GARNL3: variants seen among roughly 807,000 people sequenced by gnomAD.
GARNL3 encodes GTPase activating Rap/RanGAP domain like 3.
In GARNL3, 63 loss-of-function variants were observed where a neutral mutation model predicts 125.0. The observed-to-expected ratio is 0.50, with a 90% CI of 0.41 to 0.62. The LOEUF is 0.62. GARNL3 is among the 20% of genes least tolerant of loss of function. GARNL3 has a pLI of 0.00. For synonymous variants in GARNL3, 439 were observed against 457.5 expected (o/e 0.96, Z 0.52); for missense variants, 994 against 1,244.0 (o/e 0.80, Z 3.02).
At chr9:127,252,308 G>GT (rs1259587737) in intron 2 of GARNL3, among the ~76,000 whole-genome samples, 2 of 152,178 alleles carry the variant, frequency 1.3e-5, no homozygotes, top group African/African-American at 4.8e-5. Flanking sequence ...CAACAAAATT[G>GT]TAGACTACAG....
chr9:127,260,997 C>T (rs570243334), upstream of GARNL3, among the ~76,000 whole-genome samples: 7 of 152,212 alleles, frequency 4.6e-5, no homozygotes, highest in East Asian at 5.8e-4. Context: ...GGCTCACGCC[C>T]GTAATTCCAG....
At chr9:127,247,302 A>G (rs1049495370) in intron 2 of GARNL3, among the ~76,000 whole-genome samples, 1 of 152,208 alleles carries the variant, frequency 6.6e-6, no homozygotes, top group Non-Finnish European at 1.5e-5. Flanking sequence ...TGTAAGTGAC[A>G]GAAACCCAAC....
chr9:127,308,035 G>A (rs2065004039), intron 2 of GARNL3, among the ~76,000 whole-genome samples: 2 of 152,184 alleles, frequency 1.3e-5, no homozygotes, highest in African/African-American at 2.4e-5. Context: ...TGGAGACCAG[G>A]AGTACTGCCA....
chr9:127,272,138 T>C (rs1365038002), intron 1 of GARNL3, among the ~76,000 whole-genome samples: 1 of 150,022 alleles, frequency 6.7e-6, no homozygotes, highest in African/African-American at 2.5e-5. Flanking sequence ...TATGTAGTAA[T>C]TTGTATTTTT....
chr9:127,238,304 C>T (rs115195756), intron 1 of GARNL3, among the ~76,000 whole-genome samples: 3,630 of 152,210 alleles, frequency 0.024, 134 homozygotes, highest in African/African-American at 0.083. Flanking sequence ...GCTGTGGCTG[C>T]CACAGCTAGG....
At chr9:127,313,584 G>C in intron 4 of GARNL3, 25 bp downstream of exon 4, 1 of 1,488,660 alleles carries the variant, frequency 6.7e-7, no homozygotes, top group East Asian at 2.3e-5. Flanking sequence ...CACACTTGAA[G>C]CAAAATTTAT....
At chr9:127,363,544 C>G (rs954052788) in intron 21 of GARNL3, 1 of 152,212 alleles carries the variant, frequency 6.6e-6, no homozygotes, top group Admixed American at 6.5e-5. Flanking sequence ...CATAATGAGA[C>G]CTTTTAGAGG....
intron 16 of GARNL3, among the ~76,000 whole-genome samples, chr9:127,347,947 T>A (rs1384940994): frequency 6.6e-6 from 1 of 152,208 alleles, no homozygotes; most frequent in Non-Finnish European, 1.5e-5. Context: ...GCATTTACCC[T>A]CAGCCCTAAT....
chr9:127,374,909 C>CAAA lies in GARNL3; in HGVS notation c.2162-8515_2162-8513dup, dbSNP rs772141471. Among the ~76,000 whole-genome samples, 292 of 63,178 alleles carry CAAA rather than the reference C, an allele frequency of 4.6e-3. 5 individuals carry two copies. Among genetic ancestry groups the CAAA allele is most frequent in the African/African-American group, 0.014 (280 of 19,572 alleles). 41.4% of individuals were successfully genotyped at this position (63,178 alleles called of 152,430 possible). A position where few individuals can be genotyped will look rare whatever the true frequency, so the allele number is the denominator to read the frequency against. ...GCAGTATCATGAGACTCCATCTCTA[C>CAAA]AAAAAAAAAAAAAAAACAACAAAGA... On this transcript the variant is annotated intron_variant, in intron 22 of 27. Transcript: ENST00000373387.
intron 2 of GARNL3, among the ~76,000 whole-genome samples, chr9:127,248,632 G>A (rs1292735019): frequency 9.5e-6 from 1 of 105,764 alleles, no homozygotes; most frequent in African/African-American, 4.2e-5. Flanking sequence ...TGTTGAGACA[G>A]GGTCTCACTC....
intron 1 of GARNL3, 128 bp downstream of exon 1, chr9:127,265,149 GA>G (rs1486327842): frequency 6.1e-6 from 4 of 657,470 alleles, no homozygotes; most frequent in Non-Finnish European, 9.7e-6. Flanking sequence ...GATTGGATTG[GA>G]ATAAATAACT....
intron 14 of GARNL3, among the ~76,000 whole-genome samples, chr9:127,343,118 C>G (rs1438433566): frequency 6.6e-6 from 1 of 152,000 alleles, no homozygotes; most frequent in African/African-American, 2.4e-5. Flanking sequence ...AGGCTGGTCT[C>G]AAACTCCCAA....
chr9:127,323,816 T>G (rs2065478974), intron 6 of GARNL3, among the ~76,000 whole-genome samples: 1 of 151,742 alleles, frequency 6.6e-6, no homozygotes. Flanking sequence ...ATAAAAAAAT[T>G]AATAAAAACC....
intron 10 of GARNL3, 81 bp downstream of exon 10, chr9:127,335,414 A>G (rs959136857): frequency 2.6e-6 from 3 of 1,134,048 alleles, no homozygotes; most frequent in East Asian, 2.4e-5. Flanking sequence ...ATTAGGGGCT[A>G]TGCCGGTTAA....
intron 22 of GARNL3, among the ~76,000 whole-genome samples, chr9:127,379,227 G>T (rs1028103944): frequency 3.3e-5 from 5 of 152,222 alleles, no homozygotes; most frequent in Non-Finnish European, 5.9e-5. Context: ...AAAGTCCTTG[G>T]TTAGAGGTTA....
In GARNL3 at chr9:127,291,726, C is replaced by CTT. The variant is rs142800268; in HGVS notation, c.219+507_219+508dup. Among the ~76,000 whole-genome samples, 401 of 59,280 alleles carry CTT rather than the reference C, an allele frequency of 6.8e-3. 8 individuals are homozygous for CTT. The highest frequency in any genetic ancestry group is 0.026 in the African/African-American group (367 of 14,380). 38.9% of individuals were successfully genotyped at this position (59,280 alleles called of 152,430 possible). A position where few individuals can be genotyped will look rare whatever the true frequency, so the allele number is the denominator to read the frequency against. ...CTGCAGGCCACAGGGACTCACCTTG[C>CTT]TTTTTTTTTTTTTTTTTTTTTTTTG... On this transcript the variant is annotated intron_variant, in intron 2 of 27. Coordinates refer to ENST00000373387, the MANE Select transcript of GARNL3 (RefSeq NM_032293.5).
chr9:127,276,696 C>T (rs530418994), intron 1 of GARNL3, among the ~76,000 whole-genome samples: 22 of 152,336 alleles, frequency 1.4e-4, no homozygotes, highest in Admixed American at 8.5e-4. Flanking sequence ...ACACCATCTT[C>T]CTTTCAGTTG....
At chr9:127,378,237 C>CT (rs1282372976) in intron 22 of GARNL3, among the ~76,000 whole-genome samples, 3 of 136,752 alleles carry the variant, frequency 2.2e-5, no homozygotes, top group Non-Finnish European at 3.1e-5. Context: ...AAGCAAGACT[C>CT]TGTCTCAAAA....
At chr9:127,355,989 A>G (rs989627597) in intron 20 of GARNL3, among the ~76,000 whole-genome samples, 17 of 152,174 alleles carry the variant, frequency 1.1e-4, no homozygotes, top group African/African-American at 4.1e-4. Flanking sequence ...CAGCCAGGCA[A>G]GGGCCCTGAG....
Sources: gnomAD v4.1 joint callset for allele counts (sites outside exome capture counted in the v4.1 genomes callset) on GRCh38, gnomAD v4.1.1 for gene constraint, MANE v1.5 for transcripts, NCBI Gene and HGNC (gene_info 2026-07-23, HGNC 2026-07-21) for gene names.